The following KIF26A variants were observed in gnomAD, a reference collection of about 807,000 sequenced individuals.
The protein encoded by KIF26A is kinesin-like protein KIF26A.
A neutral mutation model predicts 126.0 loss-of-function variants in KIF26A; 74 were observed. The ratio of observed to expected loss-of-function variants is 0.59; its 90% CI spans 0.49 to 0.71. The LOEUF (loss-of-function observed/expected upper bound fraction) is 0.71, where lower values mean the gene tolerates loss of function less well. KIF26A is among the 30% of genes least tolerant of loss of function. KIF26A has a pLI of 0.00. For synonymous variants in KIF26A, 1,445 were observed against 1,232.7 expected (o/e 1.17, Z -3.61); for missense variants, 2,984 against 2,763.3 (o/e 1.08, Z -1.79).
At chr14:104,166,281 G>A (rs1044370509) in intron 4 of KIF26A, among the ~76,000 whole-genome samples, 3 of 152,250 alleles carry the variant, frequency 2.0e-5, no homozygotes, top group African/African-American at 7.2e-5. Flanking sequence ...TTGGGGTGTG[G>A]TAATCTCGAC....
Position 104,175,302 on chromosome 14 carries a change from CAGCACCTTCGCGGAGCTGCAGG to C in KIF26A, c.2518_2539del (p.Thr840GlyfsTer95). ...CCCGAGACGCAGACCACTTCCGCTG[CAGCACCTTCGCGGAGCTGCAGG>C]AGCGGCTGGAATGCATGGACGGCAA... On this transcript the variant is annotated frameshift_variant, in exon 12 of 15. Transcript: ENST00000423312. LOFTEE classifies it high-confidence loss of function. The C allele has an allele frequency of 6.2e-7, 1 of 1,604,882 alleles. No homozygotes were observed.
At position 104,177,727 on chromosome 14, in the gene KIF26A, C is replaced by T. The variant is rs745892673; in HGVS notation, c.4939C>T (p.Arg1647Cys). 7.9e-5 allele frequency: 121 copies of T among 1,538,700 alleles called. No homozygotes were observed. Among genetic ancestry groups the T allele is most frequent in the Middle Eastern group, 1.7e-4 (1 of 5,888 alleles). The change falls in exon 12 of 15, where the codon CGC becomes TGC. Residue 1647 changes from arginine (R) to cysteine (C), a missense_variant. Coordinates refer to ENST00000423312, the MANE Select transcript of KIF26A (RefSeq NM_015656.2). ...LSGELPPAMG[R>C]TALFHHSGGS... The stretch of plus-strand genomic sequence containing the variant: ...TGGAGAGCTGCCGCCCGCCATGGGC[C>T]GCACCGCCCTTTTCCACCACAGCGG...
Position 104,179,807 on chromosome 14 carries a change from AGAGGAGGGGGCGTGCAGCGGGCTG to A in KIF26A, c.*23_*46del. ...GACGTCTGAGGCTGGGCGCCGGACA[AGAGGAGGGGGCGTGCAGCGGGCTG>A]GAGGACGGGACGTGGGACGGAGCGA... On this transcript the variant is annotated 3_prime_UTR_variant, in exon 15 of 15. Coordinates refer to ENST00000423312, the MANE Select transcript of KIF26A (RefSeq NM_015656.2). 1 of 1,510,426 alleles carries A rather than the reference AGAGGAGGGGGCGTGCAGCGGGCTG, an allele frequency of 6.6e-7. No homozygotes were observed. The highest frequency in any genetic ancestry group is 8.9e-7 in the Non-Finnish European group (1 of 1,129,088). 93.6% of individuals were successfully genotyped at this position (1,510,426 alleles called of 1,614,324 possible). A position where few individuals can be genotyped will look rare whatever the true frequency, so the allele number is the denominator to read the frequency against.
chr14:104,178,048 A>G, intron 12 of KIF26A, 150 bp downstream of exon 12: 1 of 934,148 alleles, frequency 1.1e-6, no homozygotes, highest in Non-Finnish European at 1.5e-6. Flanking sequence ...GACGGTTTAC[A>G]GACTCGCCTG....
chr14:104,152,305 G>A lies in KIF26A; in HGVS notation c.579G>A (p.Lys193=), dbSNP rs763912129. 3.8e-6 allele frequency: 6 copies of A among 1,584,568 alleles called. No homozygotes were observed. Among genetic ancestry groups the A allele is most frequent in the African/African-American group, 1.3e-5 (1 of 74,190 alleles). ...GACGAGCTGGGCCAGACAGGACCAAGGGGCTGGCCTGGTCCCCCGGGCCCA... is the reference window on the plus strand; with the variant it reads ...GACGAGCTGGGCCAGACAGGACCAAAGGGCTGGCCTGGTCCCCCGGGCCCA... ...QPGRAGPDRT[K]GLAWSPGPSV... Residue 193 remains lysine, a synonymous_variant, in exon 3 of 15, where the codon AAG becomes AAA. Transcript: ENST00000423312. The surrounding 1 kb of genome is among the most constrained non-coding windows in gnomAD (Gnocchi z 5.9).
chr14:104,164,023 CAT>C (rs1483616943), intron 4 of KIF26A, among the ~76,000 whole-genome samples: 1 of 152,132 alleles, frequency 6.6e-6, no homozygotes, highest in East Asian at 1.9e-4. Flanking sequence ...CACCATGTGT[CAT>C]AGATTACTTT....
In KIF26A at chr14:104,171,894, A is replaced by T. The variant is rs1346313122; in HGVS notation, c.1285A>T (p.Met429Leu). The T allele has an allele frequency of 1.6e-5, 25 of 1,559,372 alleles. No homozygotes were observed. Among genetic ancestry groups the T allele is most frequent in the Non-Finnish European group, 2.0e-5 (23 of 1,152,692 alleles). Residue 429 changes from methionine to leucine, a missense_variant, in exon 6 of 15, where the codon ATG becomes TTG. By Grantham distance (15) the Met-to-Leu change is conservative. Transcript: ENST00000423312. ...RRAATAAVPK[M>L]FAFDAVFPQD... ...AGCCGCCACTGCTGCAGTTCCCAAG[A>T]TGTTTGCCTTCGATGCCGTCTTCCC... is the stretch of plus-strand genomic sequence containing the variant.
At chr14:104,146,492 G>A (rs1159777333) in intron 2 of KIF26A, among the ~76,000 whole-genome samples, 2 of 152,106 alleles carry the variant, frequency 1.3e-5, no homozygotes, top group East Asian at 3.9e-4. Flanking sequence ...GGAAGAGCAT[G>A]GAGGGCTTGG....
At chr14:104,154,009 G>C (rs79462677) in intron 3 of KIF26A, among the ~76,000 whole-genome samples, 11,528 of 152,262 alleles carry the variant, frequency 0.076, 502 homozygotes, top group East Asian at 0.11. Context: ...ACAGCAGTCC[G>C]GGCGATCGAT....
In KIF26A at chr14:104,175,313, C is replaced by A. The variant is rs747322690; in HGVS notation, c.2525C>A (p.Ala842Glu). 6.2e-7 allele frequency: 1 copy of A among 1,604,506 alleles called. No homozygotes were observed. Among genetic ancestry groups the A allele is most frequent in the Non-Finnish European group, 8.5e-7 (1 of 1,179,530 alleles). ...GACCACTTCCGCTGCAGCACCTTCG[C>A]GGAGCTGCAGGAGCGGCTGGAATGC... Reference protein sequence around the residue: ...DADHFRCSTFAELQERLECMD... With the variant: ...DADHFRCSTFEELQERLECMD... The change falls in exon 12 of 15, where the codon GCG (alanine) becomes GAG (glutamate). Residue 842 changes from alanine to glutamate, a missense_variant. By Grantham distance (107) the Ala-to-Glu change is moderately radical. Coordinates refer to ENST00000423312, the MANE Select transcript of KIF26A (RefSeq NM_015656.2).
Position 104,176,621 on chromosome 14 carries a change from C to G in KIF26A, c.3833C>G (p.Ala1278Gly), listed in dbSNP as rs1251889139. 1 of 1,608,416 alleles carries G rather than the reference C, an allele frequency of 6.2e-7. No homozygotes were observed. The highest frequency in any genetic ancestry group is 1.3e-5 in the African/African-American group (1 of 74,912). Reference sequence around the variant, plus strand: ...CTGCCTGAGGCCCAGGTGATGCTAGCCTGTGCCCAGAGAGTGGTGGACGGG... The same window carrying G: ...CTGCCTGAGGCCCAGGTGATGCTAGGCTGTGCCCAGAGAGTGGTGGACGGG... ...PRLPEAQVML[A>G]CAQRVVDGCE... The change falls in exon 12 of 15, where the codon GCC (alanine) becomes GGC (glycine). Residue 1278 changes from alanine to glycine, a missense_variant. Ala to Gly is a moderately conservative substitution (Grantham distance 60). Coordinates refer to ENST00000423312, the MANE Select transcript of KIF26A (RefSeq NM_015656.2).
intron 2 of KIF26A, among the ~76,000 whole-genome samples, chr14:104,141,795 A>G (rs1349879976): frequency 6.6e-6 from 1 of 152,178 alleles, no homozygotes; most frequent in Non-Finnish European, 1.5e-5. Flanking sequence ...GCCTATGCTC[A>G]TCCCCTGCTG....
chr14:104,170,477 A>T (rs1346369953), intron 5 of KIF26A, among the ~76,000 whole-genome samples: 4 of 152,232 alleles, frequency 2.6e-5, no homozygotes, highest in African/African-American at 9.6e-5. Context: ...CCCATGGTAA[A>T]CCAATTTTGC....
At chr14:104,179,087 C>T (rs948544734) in intron 13 of KIF26A, 149 bp from the exon 14 acceptor site, 14 of 913,958 alleles carry the variant, frequency 1.5e-5, no homozygotes, top group African/African-American at 1.0e-4. Flanking sequence ...GTGGGCTGCC[C>T]CAGGTCCGCC....
chr14:104,173,006 A>C lies in KIF26A; in HGVS notation c.1450A>C (p.Ser484Arg). ...GTCGTACACCATGATCGGGAAGGAC[A>C]GCTCACCCCAGAGCCTGGGCATCGT... Reference protein sequence around the residue: ...GKSYTMIGKDSSPQSLGIVPC... With the variant: ...GKSYTMIGKDRSPQSLGIVPC... The change falls in exon 8 of 15, where the codon AGC (serine) becomes CGC (arginine). Residue 484 changes from serine (S) to arginine (R), a missense_variant. Ser to Arg is a moderately radical substitution (Grantham distance 110, BLOSUM62 -1). Transcript: ENST00000423312. The C allele has an allele frequency of 6.2e-7, 1 of 1,602,426 alleles. No individual in the cohort carries two copies. Among genetic ancestry groups the C allele is most frequent in the Non-Finnish European group, 8.5e-7 (1 of 1,174,270 alleles).
In KIF26A at chr14:104,173,846, G is replaced by A. The variant is rs368947566; in HGVS notation, c.2008G>A (p.Gly670Arg). The A allele has an allele frequency of 1.9e-6, 3 of 1,596,986 alleles. No individual in the cohort carries two copies. Among genetic ancestry groups the A allele is most frequent in the East Asian group, 2.2e-5 (1 of 44,770 alleles). ...LGSVILALVN[G>R]AKHVPYRDHR... The stretch of plus-strand genomic sequence containing the variant: ...CAGCGTCATCTTGGCCCTGGTCAAC[G>A]GAGCCAAGCATGTGCCGTATCGGTG... The change falls in exon 10 of 15, where the codon GGA (glycine) becomes AGA (arginine). Residue 670 changes from glycine to arginine, a missense_variant. Coordinates refer to ENST00000423312, the MANE Select transcript of KIF26A (RefSeq NM_015656.2).
At position 104,174,144 on chromosome 14, in the gene KIF26A, G is replaced by A. The variant is rs2254205; in HGVS notation, c.2031-4G>A. The A allele has an allele frequency of 2.1e-5, 33 of 1,557,146 alleles. No individual in the cohort carries two copies. The Middle Eastern group carries it at 5.1e-4, about 24-fold the overall frequency. ...CTTGGCATCTGAACCGCCTCGACCC[G>A]CAGGGACCACAGGCTCACCATGCTG... On this transcript the variant is annotated splice_region_variant and splice_polypyrimidine_tract_variant and intron_variant, in intron 10 of 14. Transcript: ENST00000423312.
intron 10 of KIF26A, 139 bp from the exon 11 acceptor site, chr14:104,174,009 C>T (rs1161790241): frequency 2.8e-5 from 39 of 1,392,046 alleles, no homozygotes; most frequent in African/African-American, 7.2e-5. Context: ...CCTCGCTGCC[C>T]GTGGGCTGCC....
chr14:104,173,536 C>A, intron 9 of KIF26A, 23 bp downstream of exon 9: 1 of 1,529,126 alleles, frequency 6.5e-7, no homozygotes, highest in East Asian at 2.4e-5. Context: ...CCCGCACTCC[C>A]GGGCCCCTGT....
Sources: allele counts gnomAD v4.1 joint callset (sites outside exome capture counted in the v4.1 genomes callset), GRCh38; gene constraint gnomAD v4.1.1; non-coding constraint Gnocchi (gnomAD v3.1); transcripts MANE v1.5; gene names NCBI Gene and HGNC (gene_info 2026-07-23, HGNC 2026-07-21).